TSPAN4: variants seen among roughly 807,000 people sequenced by gnomAD.
TSPAN4 encodes the protein tetraspanin 4.
Under a neutral mutation model 31.5 loss-of-function variants are expected in TSPAN4, and 38 were observed. The observed-to-expected ratio is 1.21, with a 90% CI of 0.93 to 1.58. TSPAN4 has a LOEUF of 1.58. TSPAN4 is among the 40% of genes most tolerant of loss of function. TSPAN4 has a pLI of 0.00. For missense variants in TSPAN4, 330 were observed against 317.3 expected, an observed-to-expected ratio of 1.04 and a Z score of -0.30; for synonymous variants, 186 against 144.6, an observed-to-expected ratio of 1.29 and a Z score of -2.06.
rs770708449 is a variant in TSPAN4 at position 865,751 on chromosome 11, C to T, written c.490C>T (p.Arg164Trp). The T allele has an allele frequency of 1.8e-5, 29 of 1,613,132 alleles. No homozygotes were observed. The highest frequency in any genetic ancestry group is 5.5e-5 in the South Asian group (5 of 91,010). The change falls in exon 7 of 9, where the codon CGG becomes TGG. Residue 164 changes from arginine to tryptophan, a missense_variant. Arg to Trp is a moderately radical substitution (Grantham distance 101). Coordinates refer to ENST00000397397, the MANE Select transcript of TSPAN4 (RefSeq NM_003271.5). ...CTGGTTCGAGGTGTACAACGCCACG[C>T]GGGTACCTGACTCCTGCTGCTTGGA... ...TDWFEVYNAT[R>W]VPDSCCLEFS...
At chr11:861,001 C>G (rs1284013303) in intron 3 of TSPAN4, among the ~76,000 whole-genome samples, 1 of 152,168 alleles carries the variant, frequency 6.6e-6, no homozygotes, top group Non-Finnish European at 1.5e-5. Context: ...TGTCCCGTGC[C>G]CAGGCCTGGA....
At chr11:853,909 G>A (rs1003875171) in intron 3 of TSPAN4, among the ~76,000 whole-genome samples, 1 of 152,212 alleles carries the variant, frequency 6.6e-6, no homozygotes, top group African/African-American at 2.4e-5. Flanking sequence ...TGCAGGGCCC[G>A]TGAGCCTGAG....
Position 866,854 on chromosome 11 carries a change from C to T in TSPAN4, c.*224C>T, listed in dbSNP as rs558009546. The T allele has an allele frequency of 5.6e-4, 289 of 516,012 alleles. 4 individuals carry two copies. The South Asian group carries it at 7.1e-3, about 13-fold the overall frequency. The allele number at this position is 516,012 out of a possible 1,614,324, so 32.0% of individuals were successfully genotyped here. A position where few individuals can be genotyped will look rare whatever the true frequency, so the allele number is the denominator to read the frequency against. Reference sequence around the variant, plus strand: ...GGGAGGGGTGGCCACGTGCTGGCTGCGGAACCCAGGGCAGGGGTGGGAGGG... The same window carrying T: ...GGGAGGGGTGGCCACGTGCTGGCTGTGGAACCCAGGGCAGGGGTGGGAGGG... On this transcript the variant is annotated 3_prime_UTR_variant, in exon 9 of 9. Transcript: ENST00000397397.
chr11:845,355 G>A (rs1213136076), intron 1 of TSPAN4, among the ~76,000 whole-genome samples: 1 of 152,020 alleles, frequency 6.6e-6, no homozygotes, highest in African/African-American at 2.4e-5. Context: ...TGGGAGACTG[G>A]CGTTGTGAGC....
intron 3 of TSPAN4, among the ~76,000 whole-genome samples, chr11:855,169 C>CA (rs1847977202): frequency 6.6e-6 from 1 of 152,154 alleles, no homozygotes; most frequent in Admixed American, 6.5e-5. Context: ...TCCCAGCTGG[C>CA]GGCAGGGCAG....
intron 3 of TSPAN4, chr11:857,527 T>C (rs1848130038): frequency 6.8e-6 from 1 of 147,592 alleles, no homozygotes; most frequent in Non-Finnish European, 1.5e-5. Context: ...CTCAGCCTCC[T>C]GAGTAGCTGC....
intron 3 of TSPAN4, among the ~76,000 whole-genome samples, chr11:851,225 A>T (rs1338397461): frequency 6.6e-6 from 1 of 152,160 alleles, no homozygotes; most frequent in African/African-American, 2.4e-5. Flanking sequence ...GGGCAGCTGC[A>T]GTTGGGGGTG....
intron 3 of TSPAN4, among the ~76,000 whole-genome samples, chr11:850,607 G>GCCCCCTC (rs1040521282): frequency 8.0e-4 from 120 of 150,050 alleles, no homozygotes; most frequent in African/African-American, 2.7e-3. Context: ...CCACGCCCTG[G>GCCCCCTC]TCCCCTCTCC....
chr11:845,038 C>T (rs1236531771), intron 1 of TSPAN4, among the ~76,000 whole-genome samples: 2 of 152,330 alleles, frequency 1.3e-5, no homozygotes, highest in East Asian at 3.9e-4. Flanking sequence ...CCACGTTTCC[C>T]TGTCTGTAAA....
chr11:851,936 G>T (rs1391010234), intron 3 of TSPAN4, among the ~76,000 whole-genome samples: 1 of 151,698 alleles, frequency 6.6e-6, no homozygotes, highest in Non-Finnish European at 1.5e-5. Context: ...TTCCCAGGGG[G>T]GGTCTCTCTG....
chr11:849,631 TG>T (rs963567143), intron 2 of TSPAN4, among the ~76,000 whole-genome samples: 41 of 150,022 alleles, frequency 2.7e-4, no homozygotes, highest in Non-Finnish European at 3.3e-4. Context: ...CGCGCGAAGG[TG>T]GGGGGGCTGG....
At chr11:864,580 G>C (rs1314169644) in intron 5 of TSPAN4, 69 bp downstream of exon 5, 2 of 1,582,802 alleles carry the variant, frequency 1.3e-6, no homozygotes, top group Non-Finnish European at 1.7e-6. Context: ...AGGGAGCACT[G>C]TGGGCCCGGT....
intron 3 of TSPAN4, among the ~76,000 whole-genome samples, chr11:851,380 C>T (rs763563789): frequency 3.3e-5 from 5 of 152,204 alleles, no homozygotes; most frequent in East Asian, 3.9e-4. Flanking sequence ...CAGCTCCTGC[C>T]TAGGCTCTGG....
chr11:862,174 G>T, intron 3 of TSPAN4: 1 of 213,148 alleles, frequency 4.7e-6, no homozygotes, highest in Non-Finnish European at 9.2e-6. Flanking sequence ...TCTGCCCTGC[G>T]CAGACCAGAC....
rs182795105 is a variant in TSPAN4, at chr11:860,107, G to A, written c.64-2443G>A. ...GATAGGTCCTGCGCTGGCAGCCTCCGGACAGCGTTCTGTTTTGAACTTTAA... is the reference window on the plus strand; with the variant it reads ...GATAGGTCCTGCGCTGGCAGCCTCCAGACAGCGTTCTGTTTTGAACTTTAA... On this transcript the variant is annotated intron_variant, in intron 3 of 8. Transcript: ENST00000397397. Among the ~76,000 whole-genome samples the A allele has an allele frequency of 2.1e-3, 316 of 152,328 alleles. 1 individual carries two copies. The highest frequency in any genetic ancestry group is 7.2e-3 in the African/African-American group (298 of 41,580).
At position 866,004 on chromosome 11, in the gene TSPAN4, A is replaced by G; in HGVS notation, c.648+3A>G. 1.2e-6 allele frequency: 2 copies of G among 1,611,804 alleles called. No homozygotes were observed. Among genetic ancestry groups the G allele is most frequent in the Non-Finnish European group, 8.5e-7 (1 of 1,179,906 alleles). On this transcript the variant is annotated splice_donor_region_variant and intron_variant, in intron 8 of 8. Transcript: ENST00000397397. The stretch of plus-strand genomic sequence containing the variant: ...GGCTGTGCACGGCGCTGGTGCAGGT[A>G]TGGCCTGGGGGCCTGCGGGCTCCCT...
intron 5 of TSPAN4, chr11:864,770 T>C: frequency 1.8e-6 from 1 of 569,184 alleles, no homozygotes; most frequent in Non-Finnish European, 3.2e-6. Flanking sequence ...TCCCCCGCCC[T>C]CTGACGCAGC....
intron 2 of TSPAN4, among the ~76,000 whole-genome samples, chr11:847,617 C>A (rs1487735035): frequency 1.3e-5 from 2 of 151,252 alleles, no homozygotes; most frequent in Non-Finnish European, 3.0e-5. Context: ...CCCCACCCCC[C>A]CCCAACCCCG....
Position 859,713 on chromosome 11 carries a change from G to A in TSPAN4, c.64-2837G>A, listed in dbSNP as rs1009742979. The A allele has an allele frequency of 3.9e-5, 6 of 154,020 alleles. No homozygotes were observed. In the South Asian group the frequency reaches 5.7e-4, roughly 15 times the overall value. 9.5% of individuals were successfully genotyped at this position (154,020 alleles called of 1,614,324 possible). On this transcript the variant is annotated intron_variant, in intron 3 of 8. Coordinates refer to ENST00000397397, the MANE Select transcript of TSPAN4 (RefSeq NM_003271.5). ...CCGTCCCCTGGTGCGTCTCCGGGCC[G>A]CCCTCCACCGGGCTGTGCTGGCTGC... is the stretch of plus-strand genomic sequence containing the variant.
Sources: gnomAD v4.1 joint callset for allele counts (sites outside exome capture counted in the v4.1 genomes callset) on GRCh38, gnomAD v4.1.1 for gene constraint, MANE v1.5 for transcripts, NCBI Gene and HGNC (gene_info 2026-07-23, HGNC 2026-07-21) for gene names.